The following PRDM6 variants were observed in gnomAD, a reference collection of about 807,000 sequenced individuals.
PRDM6 encodes the protein PR/SET domain 6.
Under a neutral mutation model 60.8 loss-of-function variants are expected in PRDM6, and 25 were observed. The observed-to-expected ratio is 0.41, with a 90% CI of 0.30 to 0.57. The LOEUF (loss-of-function observed/expected upper bound fraction) is 0.57. PRDM6 is among the 20% of genes least tolerant of loss of function. PRDM6 has a pLI of 0.27. For synonymous variants in PRDM6, 407 were observed against 357.4 expected, an observed-to-expected ratio of 1.14 and a Z score of -1.57; for missense variants, 839 against 821.3, an observed-to-expected ratio of 1.02 and a Z score of -0.26.
At chr5:123,129,909 A>T (rs551749301) in intron 3 of PRDM6, among the ~76,000 whole-genome samples, 13 of 152,138 alleles carry the variant, frequency 8.5e-5, no homozygotes, top group Non-Finnish European at 1.6e-4. Flanking sequence ...TAAAAATAGC[A>T]TCTGCACTGA....
At chr5:123,174,396 A>G (rs1380637098) in intron 6 of PRDM6, among the ~76,000 whole-genome samples, 1 of 152,240 alleles carries the variant, frequency 6.6e-6, no homozygotes, top group Non-Finnish European at 1.5e-5. Flanking sequence ...AGAAAACTCA[A>G]AAGCTTTTAT....
chr5:123,127,442 A>C (rs1764718327), intron 3 of PRDM6, among the ~76,000 whole-genome samples: 1 of 152,192 alleles, frequency 6.6e-6, no homozygotes, highest in Non-Finnish European at 1.5e-5. Flanking sequence ...TCTCATTTCT[A>C]ATCTCTGGAA....
At chr5:123,163,159 G>A (rs983478068) in intron 5 of PRDM6, among the ~76,000 whole-genome samples, 2 of 152,126 alleles carry the variant, frequency 1.3e-5, no homozygotes, top group African/African-American at 4.8e-5. Flanking sequence ...GAAGAAATGT[G>A]CACTGAATAA....
intron 3 of PRDM6, among the ~76,000 whole-genome samples, chr5:123,152,230 A>G (rs960367474): frequency 2.6e-5 from 4 of 152,142 alleles, no homozygotes; most frequent in Non-Finnish European, 5.9e-5. Context: ...TTACAAATGT[A>G]AATGTCTAAT....
At position 123,171,129 on chromosome 5, in the gene PRDM6, T is replaced by C. The variant is rs929950417; in HGVS notation, c.1496+21T>C. Reference sequence around the variant, plus strand: ...GACAGGTAACCCTGACTCTCACTGCTGACAGTGTGTTTGCTTAGTGAGACC... The same window carrying C: ...GACAGGTAACCCTGACTCTCACTGCCGACAGTGTGTTTGCTTAGTGAGACC... On this transcript the variant is annotated intron_variant, in intron 6 of 7. Coordinates refer to ENST00000407847, the MANE Select transcript of PRDM6 (RefSeq NM_001136239.4). 5 of 1,503,922 alleles carry C rather than the reference T, an allele frequency of 3.3e-6. No individual in the cohort carries two copies. The Admixed American group carries it at 1.0e-4, about 31-fold the overall frequency. 93.2% of individuals were successfully genotyped at this position (1,503,922 alleles called of 1,614,324 possible).
intron 2 of PRDM6, among the ~76,000 whole-genome samples, chr5:123,098,678 C>G (rs1764019619): frequency 6.6e-6 from 1 of 152,218 alleles, no homozygotes. Context: ...TATAGCACAA[C>G]AGAATCGCAT....
At chr5:123,105,851 A>G (rs1029374309) in intron 3 of PRDM6, among the ~76,000 whole-genome samples, 1 of 152,224 alleles carries the variant, frequency 6.6e-6, no homozygotes, top group Non-Finnish European at 1.5e-5. Context: ...AGCATTTGCC[A>G]CCTCACTCAA....
intron 6 of PRDM6, among the ~76,000 whole-genome samples, chr5:123,173,661 A>T (rs1426754921): frequency 1.3e-5 from 2 of 152,260 alleles, no homozygotes; most frequent in Non-Finnish European, 2.9e-5. Context: ...CAAAGTAATA[A>T]AATACAATGT....
At chr5:123,140,689 C>T (rs548222825) in intron 3 of PRDM6, among the ~76,000 whole-genome samples, 63 of 152,078 alleles carry the variant, frequency 4.1e-4, no homozygotes, top group Non-Finnish European at 6.9e-4. Context: ...TGAATTTTTG[C>T]TTTCCGATGA....
chr5:123,181,868 TGAAGGGA>T (rs1459402851), intron 7 of PRDM6, among the ~76,000 whole-genome samples: 1 of 152,190 alleles, frequency 6.6e-6, no homozygotes, highest in Admixed American at 6.5e-5. Flanking sequence ...TGTCTGCCAG[TGAAGGGA>T]GAAGTTCATA....
Position 123,099,930 on chromosome 5 carries a change from G to A in PRDM6, c.869G>A (p.Gly290Asp). ...CTGCCCCCAGAGAAGGTGCAGGCAGGCGCCGTGAGGAACACGCAGCATCTC... is the reference window on the plus strand; with the variant it reads ...CTGCCCCCAGAGAAGGTGCAGGCAGACGCCGTGAGGAACACGCAGCATCTC... Reference protein sequence around the residue: ...VLLPPEKVQAGAVRNTQHLWE... With the variant: ...VLLPPEKVQADAVRNTQHLWE... Residue 290 changes from glycine (G) to aspartate (D), a missense_variant, in exon 3 of 8, where the codon GGC (glycine) becomes GAC (aspartate). Gly to Asp is a moderately conservative substitution (Grantham distance 94, BLOSUM62 -1). Transcript: ENST00000407847. The surrounding 1 kb of genome is among the most constrained non-coding windows in gnomAD (Gnocchi z 4.0). The A allele has an allele frequency of 6.5e-7, 1 of 1,536,404 alleles. No homozygotes were observed.
intron 3 of PRDM6, among the ~76,000 whole-genome samples, chr5:123,106,196 T>C (rs949801108): frequency 3.3e-5 from 5 of 152,188 alleles, no homozygotes; most frequent in Non-Finnish European, 5.9e-5. Context: ...CTGGAATCAA[T>C]TGGCCAAGGT....
intron 4 of PRDM6, among the ~76,000 whole-genome samples, chr5:123,157,262 T>G (rs886355439): frequency 6.6e-6 from 1 of 152,194 alleles, no homozygotes; most frequent in Non-Finnish European, 1.5e-5. Context: ...CACAAGACAG[T>G]ATTTCATTAC....
intron 3 of PRDM6, among the ~76,000 whole-genome samples, chr5:123,147,029 A>G (rs1409715606): frequency 3.9e-5 from 6 of 152,136 alleles, no homozygotes; most frequent in Non-Finnish European, 7.4e-5. Flanking sequence ...ATTTTTACAG[A>G]GCTCTCTCTG....
At chr5:123,170,042 A>C (rs1022817343) in intron 5 of PRDM6, among the ~76,000 whole-genome samples, 2 of 152,166 alleles carry the variant, frequency 1.3e-5, no homozygotes, top group Admixed American at 6.5e-5. Flanking sequence ...CCCTCTGCTC[A>C]GGAATGGTCT....
chr5:123,092,204 T>TA (rs1561794712), intron 2 of PRDM6, among the ~76,000 whole-genome samples: 1 of 152,370 alleles, frequency 6.6e-6, no homozygotes, highest in Non-Finnish European at 1.5e-5. Flanking sequence ...AAAAAATACT[T>TA]ATCTCCTACT....
At chr5:123,184,539 C>T (rs957962470) in intron 7 of PRDM6, among the ~76,000 whole-genome samples, 1 of 152,128 alleles carries the variant, frequency 6.6e-6, no homozygotes, top group African/African-American at 2.4e-5. Flanking sequence ...TTTCTTCCTT[C>T]TTACTCTGTT....
intron 3 of PRDM6, among the ~76,000 whole-genome samples, chr5:123,142,877 C>CAAAAAAAAAAAAAAAAAAAAA: frequency 1.1e-4 from 3 of 27,368 alleles, no homozygotes; most frequent in African/African-American, 3.3e-4. Flanking sequence ...CAGTGAAGAC[C>CAAAAAAAAAAAAAAAAAAAAA]AAAAAAAAAA....
chr5:123,116,431 G>A (rs1429177701), intron 3 of PRDM6, among the ~76,000 whole-genome samples: 2 of 152,202 alleles, frequency 1.3e-5, no homozygotes, highest in Admixed American at 6.5e-5. Context: ...GAGCTGGTTT[G>A]CAAACTCGGC....
Sources: allele counts gnomAD v4.1 joint callset (sites outside exome capture counted in the v4.1 genomes callset), GRCh38; gene constraint gnomAD v4.1.1; non-coding constraint Gnocchi (gnomAD v3.1); transcripts MANE v1.5; gene names NCBI Gene and HGNC (gene_info 2026-07-23, HGNC 2026-07-21).